Variants in ELOC observed in about 807,000 individuals in gnomAD.
ELOC encodes elongin C.
For missense variants in ELOC, 38 were observed against 139.0 expected, an observed-to-expected ratio of 0.27 and a Z score of 3.65; for synonymous variants, 40 against 51.3, an observed-to-expected ratio of 0.78 and a Z score of 0.94.
chr8:73,947,191 G>A (rs1458848526), intron 3 of ELOC, among the ~76,000 whole-genome samples: 2 of 152,166 alleles, frequency 1.3e-5, no homozygotes, highest in African/African-American at 4.8e-5. Flanking sequence ...GTTTCACCAT[G>A]TTGGTCAGGC....
chr8:73,948,791 C>T (rs1015493117), intron 3 of ELOC, among the ~76,000 whole-genome samples: 1 of 151,928 alleles, frequency 6.6e-6, no homozygotes, highest in Admixed American at 6.6e-5. Context: ...GCCATGATGG[C>T]GCCACTGTAC....
At position 73,946,061 on chromosome 8, in the gene ELOC, T is replaced by C. The variant is rs138772216; in HGVS notation, c.*569A>G. 2 of 152,316 alleles carry C rather than the reference T, an allele frequency of 1.3e-5. No homozygotes were observed. The highest frequency in any genetic ancestry group is 4.8e-5 in the African/African-American group (2 of 41,562). The allele number at this position is 152,316 out of a possible 1,614,324, so 9.4% of individuals were successfully genotyped here. ...TTCCAAAATTGTTTTTAAATAAAGTTCTTAAATTGTAGCAATAAACAAAAG... is the reference window on the plus strand; with the variant it reads ...TTCCAAAATTGTTTTTAAATAAAGTCCTTAAATTGTAGCAATAAACAAAAG... On this transcript the variant is annotated 3_prime_UTR_variant, in exon 4 of 4. Coordinates refer to ENST00000520242, the MANE Select transcript of ELOC (RefSeq NM_005648.4).
intron 1 of ELOC, among the ~76,000 whole-genome samples, chr8:73,967,031 A>G (rs939156755): frequency 3.3e-5 from 5 of 152,158 alleles, no homozygotes; most frequent in Non-Finnish European, 7.3e-5. Context: ...TACAGCATCT[A>G]CCTCACAGAG....
intron 1 of ELOC, among the ~76,000 whole-genome samples, chr8:73,962,121 C>T (rs1304638988): frequency 6.6e-6 from 1 of 152,156 alleles, no homozygotes; most frequent in East Asian, 1.9e-4. Flanking sequence ...GTCTTGAGCT[C>T]CTGACCTCAA....
intron 3 of ELOC, among the ~76,000 whole-genome samples, chr8:73,947,028 A>T (rs530308900): frequency 2.6e-5 from 4 of 152,260 alleles, no homozygotes; most frequent in African/African-American, 9.6e-5. Context: ...GCGCTCTGTC[A>T]CCCAGGCTGA....
At chr8:73,966,125 A>C (rs1233574174) in intron 1 of ELOC, among the ~76,000 whole-genome samples, 1 of 152,172 alleles carries the variant, frequency 6.6e-6, no homozygotes, top group Non-Finnish European at 1.5e-5. Context: ...AATATTTACC[A>C]AGGGTTAGGA....
Position 73,946,394 on chromosome 8 carries a change from C to T in ELOC, c.*236G>A, listed in dbSNP as rs920279764. On this transcript the variant is annotated 3_prime_UTR_variant, in exon 4 of 4. Coordinates refer to ENST00000520242, the MANE Select transcript of ELOC (RefSeq NM_005648.4). ...CATTCAAAGGATAAGGCAAAACCACCTACGAATTGGCATATTTGTTTATTT... is the reference window on the plus strand; with the variant it reads ...CATTCAAAGGATAAGGCAAAACCACTTACGAATTGGCATATTTGTTTATTT... 5.1e-6 allele frequency: 2 copies of T among 392,374 alleles called. No homozygotes were observed. The highest frequency in any genetic ancestry group is 2.0e-5 in the African/African-American group (1 of 49,710). 24.3% of individuals were successfully genotyped at this position (392,374 alleles called of 1,614,324 possible). A position where few individuals can be genotyped will look rare whatever the true frequency, so the allele number is the denominator to read the frequency against.
intron 1 of ELOC, among the ~76,000 whole-genome samples, chr8:73,969,933 A>G (rs1453070380): frequency 1.3e-5 from 2 of 152,194 alleles, no homozygotes; most frequent in Non-Finnish European, 1.5e-5. Context: ...TTCTGCTCTT[A>G]CTTAATAACA....
rs1475636781 is a variant in ELOC at position 73,957,550 on chromosome 8, AC to A, written c.5-1497del. Among the ~76,000 whole-genome samples, 4 of 152,358 alleles carry A rather than the reference AC, an allele frequency of 2.6e-5. No homozygotes were observed. The South Asian group carries it at 8.3e-4, about 32-fold the overall frequency. ...TCAGCCACAAATATCCATTTGTTAA[AC>A]AATTAATTCAGAAATCTCTAAAATT... On this transcript the variant is annotated intron_variant, in intron 2 of 3. Transcript: ENST00000520242.
At chr8:73,948,914 T>C (rs981778187) in intron 3 of ELOC, among the ~76,000 whole-genome samples, 5 of 152,200 alleles carry the variant, frequency 3.3e-5, no homozygotes, top group African/African-American at 1.2e-4. Context: ...ATTCCATTGT[T>C]TCCTCCTTTA....
At chr8:73,966,255 A>G (rs1216651590) in intron 1 of ELOC, among the ~76,000 whole-genome samples, 1 of 152,208 alleles carries the variant, frequency 6.6e-6, no homozygotes, top group East Asian at 1.9e-4. Flanking sequence ...ATGGTGAAGA[A>G]CTAACATTAA....
rs2131050303 is a variant in ELOC at position 73,946,344 on chromosome 8, T to C, written c.*286A>G. 1.1e-5 allele frequency: 3 copies of C among 272,886 alleles called. No individual in the cohort carries two copies. The East Asian group carries it at 2.0e-4, about 18-fold the overall frequency. 16.9% of individuals were successfully genotyped at this position (272,886 alleles called of 1,614,324 possible). A position where few individuals can be genotyped will look rare whatever the true frequency, so the allele number is the denominator to read the frequency against. On this transcript the variant is annotated 3_prime_UTR_variant, in exon 4 of 4. Coordinates refer to ENST00000520242, the MANE Select transcript of ELOC (RefSeq NM_005648.4). ...TACACCTAAATTTCAGTATTTACTA[T>C]ATCATCATTGCTGATTTTAAGTCAC...
chr8:73,969,616 A>G (rs1426308502), intron 1 of ELOC: 2 of 152,168 alleles, frequency 1.3e-5, no homozygotes, highest in Non-Finnish European at 2.9e-5. Context: ...AATCCTCATC[A>G]TTTAGGTCTC....
chr8:73,971,718 A>G (rs1030699761), intron 1 of ELOC, among the ~76,000 whole-genome samples: 1 of 152,064 alleles, frequency 6.6e-6, no homozygotes, highest in African/African-American at 2.4e-5. Flanking sequence ...ACTGACTTCA[A>G]GAAAAGAACT....
chr8:73,952,676 G>A (rs1317475680), intron 3 of ELOC, among the ~76,000 whole-genome samples: 6 of 151,104 alleles, frequency 4.0e-5, no homozygotes, highest in African/African-American at 1.5e-4. Context: ...AGCTACTCGG[G>A]AGGCTGAGGC....
intron 1 of ELOC, among the ~76,000 whole-genome samples, chr8:73,964,334 GAC>G (rs1464092834): frequency 6.6e-6 from 1 of 151,570 alleles, no homozygotes; most frequent in African/African-American, 2.4e-5. Flanking sequence ...GGTGAGAAAG[GAC>G]AGTCTCTTCA....
chr8:73,950,174 A>G (rs1208163402), intron 3 of ELOC, among the ~76,000 whole-genome samples: 5 of 152,242 alleles, frequency 3.3e-5, no homozygotes, highest in Admixed American at 6.5e-5. Flanking sequence ...AGAAAGTAGT[A>G]TAACTATTCA....
At chr8:73,971,551 C>A (rs1215123067) in intron 1 of ELOC, among the ~76,000 whole-genome samples, 2 of 152,064 alleles carry the variant, frequency 1.3e-5, no homozygotes, top group Non-Finnish European at 1.5e-5. Context: ...GTATTTCACA[C>A]TAGATACCTC....
chr8:73,970,455 G>A (rs925754495), intron 1 of ELOC: 2 of 152,122 alleles, frequency 1.3e-5, no homozygotes, highest in African/African-American at 2.4e-5. Context: ...GCATACACGT[G>A]TATTTTTTGA....
Sources: gnomAD v4.1 joint callset for allele counts (sites outside exome capture counted in the v4.1 genomes callset) on GRCh38, gnomAD v4.1.1 for gene constraint, MANE v1.5 for transcripts, NCBI Gene and HGNC (gene_info 2026-07-23, HGNC 2026-07-21) for gene names.